Variants in FGF14 observed in about 807,000 individuals in gnomAD.
FGF14 encodes the protein fibroblast growth factor homologous factor 4.
In FGF14, 5 loss-of-function variants were observed where a neutral mutation model predicts 25.5. The observed-to-expected ratio is 0.20, with a 90% CI of 0.10 to 0.41. FGF14 has a LOEUF of 0.41. FGF14 is among the 10% of genes least tolerant of loss of function. The probability of loss-of-function intolerance (pLI) is 1.00; values close to 1 mark genes in which losing one functional copy is unlikely to be tolerated. For synonymous variants in FGF14, 138 were observed against 118.3 expected (o/e 1.17, Z -1.08); for missense variants, 222 against 320.1 (o/e 0.69, Z 2.34).
At chr13:102,155,433 A>C (rs1037827216) in intron 1 of FGF14, among the ~76,000 whole-genome samples, 1 of 152,254 alleles carries the variant, frequency 6.6e-6, no homozygotes, top group African/African-American at 2.4e-5. Context: ...AACGAAATGA[A>C]GGCAGAAATA....
At position 101,720,435 on chromosome 13, in the gene FGF14, T is replaced by C. The variant is rs1566809603; in HGVS notation, c.*2396A>G. ...TCTCAGTCATTTACAAAAATAAATCTTGTCTTAATTTAAACCAATAAACAG... is the reference window on the plus strand; with the variant it reads ...TCTCAGTCATTTACAAAAATAAATCCTGTCTTAATTTAAACCAATAAACAG... On this transcript the variant is annotated 3_prime_UTR_variant, in exon 5 of 5. Transcript: ENST00000376143. 1 of 152,066 alleles carries C rather than the reference T, an allele frequency of 6.6e-6. No homozygotes were observed. The highest frequency in any genetic ancestry group is 2.4e-5 in the African/African-American group (1 of 41,410). The allele number at this position is 152,066 out of a possible 1,614,324, so 9.4% of individuals were successfully genotyped here. A position where few individuals can be genotyped will look rare whatever the true frequency, so the allele number is the denominator to read the frequency against.
intron 1 of FGF14, among the ~76,000 whole-genome samples, chr13:102,130,625 T>G (rs917004396): frequency 3.3e-5 from 5 of 152,106 alleles, no homozygotes; most frequent in Non-Finnish European, 7.3e-5. Flanking sequence ...TGGACACATT[T>G]TGGCAATGAC....
chr13:102,138,784 C>T (rs1419618273), intron 1 of FGF14, among the ~76,000 whole-genome samples: 1 of 152,190 alleles, frequency 6.6e-6, no homozygotes, highest in Non-Finnish European at 1.5e-5. Flanking sequence ...TTAAGTGAAG[C>T]AAAGTTATTG....
intron 3 of FGF14, among the ~76,000 whole-genome samples, chr13:101,861,128 T>C (rs2044394092): frequency 6.6e-6 from 1 of 152,166 alleles, no homozygotes; most frequent in Non-Finnish European, 1.5e-5. Flanking sequence ...TATTCATCTT[T>C]GTCTCACATG....
chr13:102,369,016 T>C (rs1417970256), intron 1 of FGF14, among the ~76,000 whole-genome samples: 2 of 152,192 alleles, frequency 1.3e-5, no homozygotes, highest in Non-Finnish European at 2.9e-5. Flanking sequence ...ATCATGAGTA[T>C]ATTATAACCT....
At chr13:101,900,927 T>A (rs1295233287) in intron 1 of FGF14, among the ~76,000 whole-genome samples, 1 of 152,190 alleles carries the variant, frequency 6.6e-6, no homozygotes, top group Admixed American at 6.5e-5. Context: ...TCATCTTCAA[T>A]ATATAGGTTA....
At chr13:101,766,975 T>A (rs1268502344) in intron 3 of FGF14, among the ~76,000 whole-genome samples, 1 of 152,176 alleles carries the variant, frequency 6.6e-6, no homozygotes, top group African/African-American at 2.4e-5. Context: ...ATAATAGTCT[T>A]AAATAGTCTT....
intron 1 of FGF14, among the ~76,000 whole-genome samples, chr13:102,397,364 C>T (rs1259863029): frequency 6.6e-6 from 1 of 152,160 alleles, no homozygotes; most frequent in Non-Finnish European, 1.5e-5. Context: ...ATGGGTCCTA[C>T]CAAGCCCTGC....
At chr13:101,975,438 T>A (rs186966533) in intron 1 of FGF14, among the ~76,000 whole-genome samples, 4 of 152,290 alleles carry the variant, frequency 2.6e-5, no homozygotes, top group African/African-American at 9.6e-5. Flanking sequence ...GAAGTCATTC[T>A]GAGCGTTCCT....
At chr13:102,122,044 A>T (rs1411720200) in intron 1 of FGF14, among the ~76,000 whole-genome samples, 1 of 152,346 alleles carries the variant, frequency 6.6e-6, no homozygotes, top group East Asian at 1.9e-4. Flanking sequence ...ATTGTTTGTG[A>T]TTACACAAAT....
intron 1 of FGF14, among the ~76,000 whole-genome samples, chr13:102,006,724 C>CTTTTTTTTTT (rs1566562317): frequency 3.1e-5 from 3 of 97,946 alleles, no homozygotes; most frequent in African/African-American, 1.2e-4. Context: ...CAAAATCTTA[C>CTTTTTTTTTT]TTCTTTTTTT....
rs188472650 is a variant in FGF14, at chr13:102,236,911, G to A, written c.208+164560C>T. ...GGCTGGAGAGTGCTGAGCTCTCAGA[G>A]GGCCTCCCAGCAGGAGGGGACTGGA... On this transcript the variant is annotated intron_variant, in intron 1 of 4. Coordinates refer to the FGF14 transcript ENST00000376131. 4.2e-3 allele frequency among the ~76,000 whole-genome samples: 647 copies of A among 152,238 alleles called. 5 individuals carry two copies. Among genetic ancestry groups the A allele is most frequent in the Non-Finnish European group, 5.9e-3 (399 of 68,012 alleles).
At chr13:101,733,467 T>C (rs1416778337) in intron 3 of FGF14, among the ~76,000 whole-genome samples, 1 of 151,814 alleles carries the variant, frequency 6.6e-6, no homozygotes, top group African/African-American at 2.4e-5. Flanking sequence ...TAGTGGCACA[T>C]GCCTGTAGTC....
At chr13:102,187,086 G>T (rs149365041) in intron 1 of FGF14, among the ~76,000 whole-genome samples, 1 of 152,160 alleles carries the variant, frequency 6.6e-6, no homozygotes, top group Non-Finnish European at 1.5e-5. Flanking sequence ...CACAAGCAAC[G>T]CCTCGGTTAC....
chr13:102,371,450 T>C (rs554656403), intron 1 of FGF14, among the ~76,000 whole-genome samples: 15 of 152,302 alleles, frequency 9.8e-5, no homozygotes, highest in African/African-American at 3.4e-4. Context: ...AGCAAACTTC[T>C]ATTCATCCTA....
intron 3 of FGF14, among the ~76,000 whole-genome samples, chr13:101,852,127 G>A (rs1566315115): frequency 6.6e-6 from 1 of 152,050 alleles, no homozygotes; most frequent in African/African-American, 2.4e-5. Context: ...CTACTGAGGT[G>A]TTTTTATTTT....
chr13:102,338,223 C>T (rs2056844912), intron 1 of FGF14, among the ~76,000 whole-genome samples: 1 of 152,136 alleles, frequency 6.6e-6, no homozygotes, highest in African/African-American at 2.4e-5. Flanking sequence ...CCCATTGTTC[C>T]TTCCCTCAGG....
rs538442443 is a variant in FGF14, at chr13:102,109,953, A to T, written c.209-234657T>A. 3.9e-5 allele frequency among the ~76,000 whole-genome samples: 6 copies of T among 152,316 alleles called. 1 individual carries two copies. Among genetic ancestry groups the T allele is most frequent in the African/African-American group, 1.4e-4 (6 of 41,576 alleles). The stretch of plus-strand genomic sequence containing the variant: ...TTCTTTAGAGATTGCAAAACACTGC[A>T]TTATTAATTAAAGATTAAGATACAT... On this transcript the variant is annotated intron_variant, in intron 1 of 4. Transcript: ENST00000376131.
chr13:101,960,732 G>A (rs2036801259), intron 1 of FGF14, among the ~76,000 whole-genome samples: 1 of 152,128 alleles, frequency 6.6e-6, no homozygotes, highest in South Asian at 2.1e-4. Context: ...CAGGTCAAAC[G>A]GTATTTCTGG....
Sources: gnomAD v4.1 joint callset for allele counts (sites outside exome capture counted in the v4.1 genomes callset) on GRCh38, gnomAD v4.1.1 for gene constraint, MANE v1.5 for transcripts, NCBI Gene and HGNC (gene_info 2026-07-23, HGNC 2026-07-21) for gene names.